Variants in IAH1 observed in about 807,000 individuals in gnomAD.
IAH1 encodes the protein isoamyl acetate-hydrolyzing esterase 1 homolog.
A neutral mutation model predicts 26.7 loss-of-function variants in IAH1; 24 were observed. The ratio of observed to expected loss-of-function variants is 0.90; its 90% confidence interval spans 0.65 to 1.26. The LOEUF is 1.26. Among genes scored for constraint, IAH1 ranks in the 50% most tolerant of loss-of-function variants. IAH1 has a pLI of 0.00. For synonymous variants in IAH1, 140 were observed against 118.5 expected, an observed-to-expected ratio of 1.18 and a Z score of -1.18; for missense variants, 300 against 299.9, an observed-to-expected ratio of 1.00 and a Z score of 0.00.
chr2:9,481,561 C>A, intron 4 of IAH1, 114 bp downstream of exon 4: 1 of 865,296 alleles, frequency 1.2e-6, no homozygotes, highest in Non-Finnish European at 1.8e-6. Context: ...CTCGGTATGT[C>A]CATTTCAGTC....
chr2:9,475,788 C>A (rs1682455280), intron 1 of IAH1, 199 bp from the exon 2 acceptor site: 4 of 609,194 alleles, frequency 6.6e-6, no homozygotes, highest in Non-Finnish European at 3.0e-6. Flanking sequence ...GGCTGTTTAG[C>A]TTTTGATAGA....
intron 2 of IAH1, 109 bp from the exon 3 acceptor site, chr2:9,478,113 C>T (rs1200291104): frequency 6.4e-5 from 59 of 927,182 alleles, no homozygotes; most frequent in Non-Finnish European, 8.1e-5. Flanking sequence ...GGCTCAGAGA[C>T]ACGTGACGGG....
In IAH1 at chr2:9,488,651, C is replaced by G. The variant is rs996540742; in HGVS notation, c.*322C>G. The G allele has an allele frequency of 4.9e-5, 9 of 185,162 alleles. No individual in the cohort carries two copies. The highest frequency in any genetic ancestry group is 8.9e-5 in the Non-Finnish European group (8 of 89,992). 11.5% of individuals were successfully genotyped at this position (185,162 alleles called of 1,614,324 possible). A position where few individuals can be genotyped will look rare whatever the true frequency, so the allele number is the denominator to read the frequency against. ...TCTTTTGAGAACTGTTTCACTCATA[C>G]ATACACCCACACACCCCACTCAACC... On this transcript the variant is annotated 3_prime_UTR_variant, in exon 6 of 6. Transcript: ENST00000497473.
intron 3 of IAH1, 25 bp from the exon 4 acceptor site, chr2:9,481,261 G>A: frequency 6.2e-7 from 1 of 1,612,564 alleles, no homozygotes; most frequent in African/African-American, 1.3e-5. Context: ...TGCATCTGGT[G>A]AGGACTCATG....
the IAH1 span, among the ~76,000 whole-genome samples, chr2:9,508,667 G>A: frequency 6.6e-6 from 1 of 152,076 alleles, no homozygotes; most frequent in Non-Finnish European, 1.5e-5. Context: ...TCAGTTTCTA[G>A]CCACATTTCA....
At chr2:9,493,076 T>C, downstream of IAH1, 1 of 1,061,206 alleles carries the variant, frequency 9.4e-7, no homozygotes. Context: ...TTGTGTCAAA[T>C]GCCAGAGCTG....
upstream of IAH1, chr2:9,474,549 G>GCCCCCCCCCCC: frequency 1.0e-6 from 1 of 968,026 alleles, no homozygotes; most frequent in African/African-American, 1.7e-5. The surrounding 1 kb of genome is among the most constrained non-coding windows in gnomAD (Gnocchi z 4.3). Context: ...GCCCCGCCCC[G>GCCCCCCCCCCC]CCCCGCCCGG....
intron 1 of IAH1, chr2:9,475,358 G>A (rs1179920421): frequency 1.6e-5 from 7 of 426,726 alleles, no homozygotes; most frequent in Non-Finnish European, 2.2e-5. Context: ...CAGAGCTGCC[G>A]AATTCCATGG....
rs1385219840 is a variant in IAH1 at position 9,474,626 on chromosome 2, C to T, written c.60C>T (p.Leu20=). 1 of 1,554,346 alleles carries T rather than the reference C, an allele frequency of 6.4e-7. No homozygotes were observed. The highest frequency in any genetic ancestry group is 2.6e-5 in the East Asian group (1 of 38,652). Residue 20 remains leucine (L), a synonymous_variant, in exon 1 of 6, where the codon CTC becomes CTT. Coordinates refer to ENST00000497473, the MANE Select transcript of IAH1 (RefSeq NM_001039613.3). The surrounding 1 kb of genome is among the most constrained non-coding windows in gnomAD (Gnocchi z 4.3). ...CCCTGCTCTGGCCTCGCTTGTTGCT[C>T]TTCGGGGACTCCATCACCCAGGTAC... The part of the protein sequence containing the change: ...GSALLWPRLL[L]FGDSITQFSF...
At chr2:9,478,078 T>C (rs1477757893) in intron 2 of IAH1, 144 bp from the exon 3 acceptor site, 7 of 637,286 alleles carry the variant, frequency 1.1e-5, no homozygotes, top group Non-Finnish European at 1.9e-5. Flanking sequence ...ATGTTCTTGC[T>C]CCTATCAAAG....
At chr2:9,491,026 G>T, downstream of IAH1, 1 of 1,335,894 alleles carries the variant, frequency 7.5e-7, no homozygotes, top group Non-Finnish European at 1.1e-6. Context: ...GCTCTTGCTG[G>T]GTCAGGTGAA....
rs190108740 is a variant in IAH1, at chr2:9,482,026, A to C, written c.445+579A>C. On this transcript the variant is annotated intron_variant, in intron 4 of 5. Coordinates refer to ENST00000497473, the MANE Select transcript of IAH1 (RefSeq NM_001039613.3). ...TAATGTTGAAAATGTGCATTATGGA[A>C]GTTCTCTTTTTTTTTTTTTTTTGGA... 1.5e-4 allele frequency among the ~76,000 whole-genome samples: 20 copies of C among 134,016 alleles called. No homozygotes were observed. In the East Asian group the frequency reaches 3.9e-3, roughly 26 times the overall value. 87.9% of individuals were successfully genotyped at this position (134,016 alleles called of 152,430 possible). A position where few individuals can be genotyped will look rare whatever the true frequency, so the allele number is the denominator to read the frequency against.
At chr2:9,479,795 CTTTTTTTTTTTTTTTTTTTT>C (rs5829216) in intron 3 of IAH1, among the ~76,000 whole-genome samples, 6 of 69,848 alleles carry the variant, frequency 8.6e-5, no homozygotes, top group East Asian at 1.2e-3. Flanking sequence ...CTGTGTATTG[CTTTTTTTTTTTTTTTTTTTT>C]TTTTTTTTTT....
downstream of IAH1, chr2:9,493,131 A>G (rs1662297330): frequency 1.6e-6 from 1 of 632,112 alleles, no homozygotes; most frequent in Non-Finnish European, 2.7e-6. Context: ...TGCTGCCTGT[A>G]TTACACCACA....
At chr2:9,496,407 GGT>G (rs1662602890) in exon 7 of IAH1, 2 of 151,674 alleles carry the variant, frequency 1.3e-5, no homozygotes, top group South Asian at 4.1e-4. Context: ...TGGGATTACA[GGT>G]GTGAGTCACC....
At chr2:9,510,414 C>G in the IAH1 span, among the ~76,000 whole-genome samples, 1 of 152,094 alleles carries the variant, frequency 6.6e-6, no homozygotes, top group Non-Finnish European at 1.5e-5. Context: ...GCCTGTAATC[C>G]CAGCACTTTG....
At chr2:9,502,981 A>C in the IAH1 span, among the ~76,000 whole-genome samples, 2 of 151,588 alleles carry the variant, frequency 1.3e-5, no homozygotes, top group South Asian at 4.2e-4. Context: ...TCTACTAAAG[A>C]TACAAAAAAT....
downstream of IAH1, chr2:9,490,419 T>C: frequency 6.2e-7 from 1 of 1,614,136 alleles, no homozygotes; most frequent in African/African-American, 1.3e-5. Flanking sequence ...GCCGAAGGGA[T>C]CACAGGGGCA....
At position 9,481,433 on chromosome 2, in the gene IAH1, A is replaced by T. The variant is rs755512273; in HGVS notation, c.431A>T (p.Gln144Leu). The stretch of plus-strand genomic sequence containing the variant: ...CTTTGTGAAACAGCCTGGGAAGAAC[A>T]GTGCATCATACAAGGTAAACAAACC... ...TPLCETAWEE[Q>L]CIIQGCKLNR... The change falls in exon 4 of 6, where the codon CAG becomes CTG. Residue 144 changes from glutamine (Q) to leucine (L), a missense_variant. Coordinates refer to ENST00000497473, the MANE Select transcript of IAH1 (RefSeq NM_001039613.3). 2 of 1,614,190 alleles carry T rather than the reference A, an allele frequency of 1.2e-6. No homozygotes were observed. Among genetic ancestry groups the T allele is most frequent in the Admixed American group, 3.3e-5 (2 of 60,020 alleles).
Sources: allele counts gnomAD v4.1 joint callset (sites outside exome capture counted in the v4.1 genomes callset), GRCh38; gene constraint gnomAD v4.1.1; non-coding constraint Gnocchi (gnomAD v3.1); transcripts MANE v1.5; gene names NCBI Gene and HGNC (gene_info 2026-07-23, HGNC 2026-07-21).